FAR2: variants seen among roughly 807,000 people sequenced by gnomAD.
FAR2 encodes the protein epididymis secretory protein Li 81.
FAR2 carries 19 observed loss-of-function variants against 56.0 expected under a neutral mutation model. The observed-to-expected ratio is 0.34, with a 90% confidence interval of 0.24 to 0.50. The LOEUF (loss-of-function observed/expected upper bound fraction) is 0.50. FAR2 is among the 20% of genes least tolerant of loss of function. The probability of loss-of-function intolerance (pLI) is 0.98; values close to 1 mark genes in which losing one functional copy is unlikely to be tolerated. For synonymous variants in FAR2, 219 were observed against 218.8 expected, an observed-to-expected ratio of 1.00 and a Z score of -0.01; for missense variants, 508 against 642.2, an observed-to-expected ratio of 0.79 and a Z score of 2.26.
intron 10 of FAR2, among the ~76,000 whole-genome samples, chr12:29,328,603 G>A (rs936092938): frequency 6.6e-6 from 1 of 151,972 alleles, no homozygotes; most frequent in African/African-American, 2.4e-5. Flanking sequence ...GGACATGGAT[G>A]AAGCTGGAAA....
chr12:29,283,672 T>C (rs1948822938), intron 2 of FAR2, among the ~76,000 whole-genome samples: 1 of 152,222 alleles, frequency 6.6e-6, no homozygotes, highest in South Asian at 2.1e-4. Context: ...ATCTAGTTTT[T>C]CATAAAATCT....
At chr12:29,152,369 C>G (rs1423041879) in intron 1 of FAR2, among the ~76,000 whole-genome samples, 1 of 152,140 alleles carries the variant, frequency 6.6e-6, no homozygotes, top group Admixed American at 6.6e-5. Flanking sequence ...ACCTAGTGAC[C>G]TTTTGTAACT....
intron 1 of FAR2, among the ~76,000 whole-genome samples, chr12:29,183,598 C>T (rs1478558767): frequency 6.6e-6 from 1 of 152,166 alleles, no homozygotes; most frequent in Non-Finnish European, 1.5e-5. Context: ...ATTATACTTT[C>T]TAAATGCATC....
At chr12:29,244,497 G>T (rs1407569228) in intron 1 of FAR2, among the ~76,000 whole-genome samples, 2 of 152,168 alleles carry the variant, frequency 1.3e-5, no homozygotes, top group African/African-American at 4.8e-5. Flanking sequence ...ATTTTGTGTA[G>T]CAGAGACCCT....
intron 10 of FAR2, chr12:29,331,758 C>T (rs1949735024): frequency 6.6e-6 from 1 of 152,086 alleles, no homozygotes; most frequent in Non-Finnish European, 1.5e-5. Context: ...TAAATCTGGG[C>T]CACCTCCTGA....
At chr12:29,298,574 A>T (rs1949109292) in intron 4 of FAR2, among the ~76,000 whole-genome samples, 1 of 152,208 alleles carries the variant, frequency 6.6e-6, no homozygotes, top group African/African-American at 2.4e-5. Flanking sequence ...AGTTGCTAAT[A>T]AATGGAGGTT....
intron 2 of FAR2, among the ~76,000 whole-genome samples, chr12:29,285,587 GA>G (rs981542087): frequency 9.2e-5 from 14 of 151,868 alleles, no homozygotes; most frequent in Admixed American, 5.2e-4. Context: ...AGGAAGGAAG[GA>G]AAAAAATCTC....
At chr12:29,317,141 C>A in intron 9 of FAR2, 129 bp downstream of exon 9, 2 of 940,052 alleles carry the variant, frequency 2.1e-6, no homozygotes, top group Non-Finnish European at 2.9e-6. Context: ...ACAGATTGAA[C>A]ACACCTAATC....
At chr12:29,223,024 TG>T (rs1245674321) in intron 1 of FAR2, among the ~76,000 whole-genome samples, 7 of 152,304 alleles carry the variant, frequency 4.6e-5, no homozygotes, top group African/African-American at 1.7e-4. Flanking sequence ...GTATTTATAT[TG>T]TGCTTAGTAT....
At chr12:29,215,945 A>T (rs550626650) in intron 1 of FAR2, among the ~76,000 whole-genome samples, 37 of 152,272 alleles carry the variant, frequency 2.4e-4, no homozygotes, top group African/African-American at 8.4e-4. Flanking sequence ...CCTAGGGTTC[A>T]CCCTTCTGCA....
rs906605906 is a variant in FAR2, at chr12:29,310,596, A to G, written c.769-432A>G. ...ACTTTTAGTGCCTACTATTGCTTGT[A>G]AGTTAATAAACCCTAGCAGAAAACA... On this transcript the variant is annotated intron_variant, in intron 6 of 11. Transcript: ENST00000536681. Among the ~76,000 whole-genome samples the G allele has an allele frequency of 2.0e-5, 3 of 152,232 alleles. No homozygotes were observed. In the South Asian group the frequency reaches 6.2e-4, roughly 32 times the overall value.
intron 1 of FAR2, among the ~76,000 whole-genome samples, chr12:29,172,819 C>T (rs527547564): frequency 7.9e-5 from 12 of 152,282 alleles, no homozygotes; most frequent in Admixed American, 3.9e-4. Flanking sequence ...TAATAATTCA[C>T]GGACTTTTTC....
Position 29,271,049 on chromosome 12 carries a change from A to G in FAR2, c.189+411A>G, listed in dbSNP as rs554561916. Among the ~76,000 whole-genome samples, 3 of 152,308 alleles carry G rather than the reference A, an allele frequency of 2.0e-5. No homozygotes were observed. In the South Asian group the frequency reaches 6.2e-4, roughly 32 times the overall value. On this transcript the variant is annotated intron_variant, in intron 2 of 11. Transcript: ENST00000536681. ...TTCTATTGCTTAGGGAGCAGATGTG[A>G]CTACTAAGTAGCCATGCAGTGATAC...
intron 4 of FAR2, among the ~76,000 whole-genome samples, chr12:29,305,965 G>A (rs1591952206): frequency 6.6e-6 from 1 of 151,398 alleles, no homozygotes; most frequent in East Asian, 1.9e-4. Flanking sequence ...GCACATTATT[G>A]GGCTCTGATG....
At chr12:29,291,529 T>A (rs950905457) in intron 2 of FAR2, 2 of 445,712 alleles carry the variant, frequency 4.5e-6, no homozygotes, top group African/African-American at 4.0e-5. Context: ...GAAATTCTCA[T>A]CATTTGCATG....
Position 29,328,873 on chromosome 12 carries a change from C to A in FAR2, c.1258-3727C>A, listed in dbSNP as rs569398297. Among the ~76,000 whole-genome samples, 15 of 151,582 alleles carry A rather than the reference C, an allele frequency of 9.9e-5. 1 individual carries two copies. The highest frequency in any genetic ancestry group is 1.5e-5 in the Non-Finnish European group (1 of 67,926). ...AAGCCTGCACGTTATGCACACGTAT[C>A]CTAAAACTTAAAATATAATAATAAT... is the stretch of plus-strand genomic sequence containing the variant. On this transcript the variant is annotated intron_variant, in intron 10 of 11. Coordinates refer to ENST00000536681, the MANE Select transcript of FAR2 (RefSeq NM_001271783.2).
intron 1 of FAR2, among the ~76,000 whole-genome samples, chr12:29,181,142 A>G (rs532829419): frequency 1.9e-4 from 29 of 152,254 alleles, no homozygotes; most frequent in African/African-American, 6.3e-4. Flanking sequence ...GAATCTTTCA[A>G]ATACATCTTG....
At chr12:29,250,356 C>G (rs1463141134) in intron 1 of FAR2, among the ~76,000 whole-genome samples, 1 of 152,118 alleles carries the variant, frequency 6.6e-6, no homozygotes, top group Non-Finnish European at 1.5e-5. Flanking sequence ...ATTATTAAGG[C>G]AGCTCTGTGG....
At chr12:29,323,243 G>A (rs904762142) in intron 10 of FAR2, among the ~76,000 whole-genome samples, 12 of 152,354 alleles carry the variant, frequency 7.9e-5, no homozygotes, top group South Asian at 4.1e-4. Context: ...TAAACAAAGC[G>A]GCCTGGAAGC....
Sources: gnomAD v4.1 joint callset for allele counts (sites outside exome capture counted in the v4.1 genomes callset) on GRCh38, gnomAD v4.1.1 for gene constraint, MANE v1.5 for transcripts, NCBI Gene and HGNC (gene_info 2026-07-23, HGNC 2026-07-21) for gene names.